The following NOS1AP variants were observed in gnomAD, a reference collection of about 807,000 sequenced individuals.
The protein encoded by NOS1AP is nitric oxide synthase 1 adaptor protein, also known as carboxyl-terminal PDZ ligand of neuronal nitric oxide synthase protein.
A neutral mutation model predicts 56.2 loss-of-function variants in NOS1AP; 21 were observed. The ratio of observed to expected loss-of-function variants is 0.37; its 90% CI spans 0.26 to 0.54. The LOEUF is 0.54. Among genes scored for constraint, NOS1AP ranks in the 20% least tolerant of loss-of-function variants. The pLI, the probability that NOS1AP is intolerant of heterozygous loss-of-function variation, is 0.84. For missense variants in NOS1AP, 522 were observed against 657.8 expected (o/e 0.79, Z 2.26); for synonymous variants, 270 against 274.6 (o/e 0.98, Z 0.17).
intron 2 of NOS1AP, among the ~76,000 whole-genome samples, chr1:162,197,984 A>G (rs916800134): frequency 2.6e-5 from 4 of 152,362 alleles, no homozygotes; most frequent in South Asian, 2.1e-4. Context: ...AGCCTCGCCC[A>G]GAGTGTGTCT....
At chr1:162,329,249 C>G (rs1488996515) in intron 4 of NOS1AP, among the ~76,000 whole-genome samples, 1 of 151,712 alleles carries the variant, frequency 6.6e-6, no homozygotes, top group Non-Finnish European at 1.5e-5. Context: ...ATTTTAGGGC[C>G]AGCTGTGGTG....
At chr1:162,299,432 G>A (rs180834290) in intron 3 of NOS1AP, among the ~76,000 whole-genome samples, 3 of 152,304 alleles carry the variant, frequency 2.0e-5, no homozygotes, top group East Asian at 3.9e-4. Context: ...TCTAGTGAGG[G>A]ATGTTTACAA....
intron 2 of NOS1AP, among the ~76,000 whole-genome samples, chr1:162,190,786 G>A (rs1336688329): frequency 6.6e-6 from 1 of 152,042 alleles, no homozygotes; most frequent in Non-Finnish European, 1.5e-5. Context: ...CAGCCTCTAG[G>A]ACCCGCTGTT....
At chr1:162,344,034 G>T in intron 6 of NOS1AP, 58 bp downstream of exon 6, 1 of 1,589,206 alleles carries the variant, frequency 6.3e-7, no homozygotes, top group East Asian at 2.3e-5. Flanking sequence ...AGTAGGCTCT[G>T]GTGGATCACT....
chr1:162,297,660 G>A (rs1036813833), intron 3 of NOS1AP, among the ~76,000 whole-genome samples: 6 of 152,088 alleles, frequency 3.9e-5, no homozygotes, highest in Non-Finnish European at 7.4e-5. Flanking sequence ...CTGACCCACT[G>A]TATTCATGTC....
intron 2 of NOS1AP, among the ~76,000 whole-genome samples, chr1:162,233,163 A>T (rs919817986): frequency 3.3e-5 from 5 of 152,180 alleles, no homozygotes; most frequent in Non-Finnish European, 7.3e-5. Context: ...GGCATTTCTA[A>T]GTTCCCAGGT....
chr1:162,268,313 TCC>T (rs56294486), intron 2 of NOS1AP, among the ~76,000 whole-genome samples: 46 of 145,300 alleles, frequency 3.2e-4, no homozygotes, highest in East Asian at 1.2e-3. Context: ...GCCCTGTAGC[TCC>T]CCCCCCCTAT....
intron 4 of NOS1AP, chr1:162,317,047 A>G (rs1656251863): frequency 6.6e-6 from 1 of 152,476 alleles, no homozygotes; most frequent in South Asian, 2.1e-4. Context: ...TGAAGCCATC[A>G]TAAAGGGTAA....
intron 8 of NOS1AP, 163 bp downstream of exon 8, chr1:162,357,299 G>A (rs1657738052): frequency 2.4e-6 from 3 of 1,259,908 alleles, no homozygotes; most frequent in South Asian, 2.8e-5. Flanking sequence ...GCGGGAGGGG[G>A]ATAGATGGGG....
intron 4 of NOS1AP, among the ~76,000 whole-genome samples, chr1:162,307,815 A>G (rs1389065925): frequency 2.0e-5 from 3 of 152,112 alleles, no homozygotes; most frequent in African/African-American, 4.8e-5. Flanking sequence ...TGTCTCAAAA[A>G]AGAAAAAAAA....
At chr1:162,261,503 A>G (rs1281773527) in intron 2 of NOS1AP, among the ~76,000 whole-genome samples, 2 of 7,788 alleles carry the variant, frequency 2.6e-4, no homozygotes, top group African/African-American at 1.8e-3. Context: ...AGAGAGAGAG[A>G]GAGAGAGAGA....
chr1:162,122,598 C>G lies in NOS1AP; in HGVS notation c.106-31807C>G, dbSNP rs1338592594. Among the ~76,000 whole-genome samples, 3 of 151,274 alleles carry G rather than the reference C, an allele frequency of 2.0e-5. 1 individual carries two copies. The highest frequency in any genetic ancestry group is 1.3e-4 in the Admixed American group (2 of 15,210). The stretch of plus-strand genomic sequence containing the variant: ...TCTCGGCTCACTGCAACCTCCACCT[C>G]CCAGGCTCAAGTGATCCTCCCACCT... On this transcript the variant is annotated intron_variant, in intron 1 of 9. Coordinates refer to ENST00000361897, the MANE Select transcript of NOS1AP (RefSeq NM_014697.3).
At chr1:162,300,393 T>C (rs1356779384) in intron 3 of NOS1AP, among the ~76,000 whole-genome samples, 1 of 152,314 alleles carries the variant, frequency 6.6e-6, no homozygotes, top group Non-Finnish European at 1.5e-5. Flanking sequence ...CCCTAAGGAC[T>C]TCTTGGCTTT....
At chr1:162,162,349 C>T (rs1650260326) in intron 2 of NOS1AP, among the ~76,000 whole-genome samples, 2 of 152,176 alleles carry the variant, frequency 1.3e-5, no homozygotes, top group African/African-American at 2.4e-5. Flanking sequence ...AATAGAGAGA[C>T]GAAAGTAGCA....
chr1:162,143,918 A>T (rs919116760), intron 1 of NOS1AP, among the ~76,000 whole-genome samples: 1 of 152,230 alleles, frequency 6.6e-6, no homozygotes, highest in African/African-American at 2.4e-5. Flanking sequence ...TTCGTTCTTC[A>T]TGTGAAGAAT....
intron 2 of NOS1AP, among the ~76,000 whole-genome samples, chr1:162,234,571 T>A (rs1326954950): frequency 2.0e-5 from 3 of 152,162 alleles, no homozygotes; most frequent in Non-Finnish European, 2.9e-5. Flanking sequence ...GTGGAGCCAA[T>A]GTGTCTCTTC....
chr1:162,302,668 G>GTA (rs1655703618), intron 4 of NOS1AP, among the ~76,000 whole-genome samples: 1 of 152,116 alleles, frequency 6.6e-6, no homozygotes, highest in East Asian at 1.9e-4. Context: ...CTTCATTGAG[G>GTA]TATAATTGGC....
In NOS1AP at chr1:162,089,845, G is replaced by C. The variant is rs144542234; in HGVS notation, c.105+19563G>C. 1.2e-4 allele frequency among the ~76,000 whole-genome samples: 19 copies of C among 152,306 alleles called. No individual in the cohort carries two copies. The East Asian group carries it at 3.3e-3, about 26-fold the overall frequency. ...AGGCCGTGCAGCCTGCCAACACCTT[G>C]ATTTAGGCCCAGTGAAACTGACTTC... On this transcript the variant is annotated intron_variant, in intron 1 of 9. Coordinates refer to ENST00000361897, the MANE Select transcript of NOS1AP (RefSeq NM_014697.3).
intron 2 of NOS1AP, among the ~76,000 whole-genome samples, chr1:162,264,833 A>G (rs1459556537): frequency 7.2e-6 from 1 of 137,962 alleles, no homozygotes. Flanking sequence ...TTTTTTTTCA[A>G]GACAGGGTTG....
Sources: allele counts gnomAD v4.1 joint callset (sites outside exome capture counted in the v4.1 genomes callset), GRCh38; gene constraint gnomAD v4.1.1; transcripts MANE v1.5; gene names NCBI Gene and HGNC (gene_info 2026-07-23, HGNC 2026-07-21).